NTRK3: variants seen among roughly 807,000 people sequenced by gnomAD.
The protein encoded by NTRK3 is NT-3 growth factor receptor.
Under a neutral mutation model 91.7 loss-of-function variants are expected in NTRK3, and 24 were observed. That is an observed-to-expected ratio of 0.26 (90% CI 0.19 to 0.37). The LOEUF (loss-of-function observed/expected upper bound fraction) is 0.37. NTRK3 is among the 10% of genes least tolerant of loss of function. The pLI is 1.00. For missense variants in NTRK3, 880 were observed against 1,068.9 expected (o/e 0.82, Z 2.46); for synonymous variants, 483 against 404.0 (o/e 1.20, Z -2.34).
intron 14 of NTRK3, among the ~76,000 whole-genome samples, chr15:88,028,561 G>C (rs985805744): frequency 4.9e-4 from 75 of 152,234 alleles, no homozygotes; most frequent in Non-Finnish European, 8.2e-4. Context: ...TACCTCAAGG[G>C]GGAGAAGAGA....
intron 13 of NTRK3, among the ~76,000 whole-genome samples, chr15:88,082,341 G>T (rs73447342): frequency 6.6e-6 from 1 of 151,538 alleles, no homozygotes; most frequent in East Asian, 1.9e-4. Flanking sequence ...CAGCGGGGAA[G>T]AAGAGAGAAT....
chr15:87,932,198 C>G (rs781063664), intron 16 of NTRK3, among the ~76,000 whole-genome samples: 19 of 152,344 alleles, frequency 1.2e-4, no homozygotes, highest in Non-Finnish European at 2.5e-4. Flanking sequence ...TAAGAGCCCT[C>G]GAAGTCCAGA....
At chr15:88,211,054 C>T (rs923447456) in intron 3 of NTRK3, among the ~76,000 whole-genome samples, 2 of 152,194 alleles carry the variant, frequency 1.3e-5, no homozygotes, top group African/African-American at 4.8e-5. Context: ...AATTAGCCAT[C>T]TTAACATGTA....
intron 13 of NTRK3, among the ~76,000 whole-genome samples, chr15:88,107,686 C>T (rs148957696): frequency 6.2e-4 from 94 of 152,238 alleles, no homozygotes; most frequent in African/African-American, 2.1e-3. Flanking sequence ...TATCCATTTG[C>T]ACACAGATGT....
At chr15:87,880,324 G>C (rs569794715) in exon 18 of NTRK3, 1 of 1,614,038 alleles carries the variant, frequency 6.2e-7, no homozygotes, top group Non-Finnish European at 8.5e-7. Flanking sequence ...AGATCTCCCA[G>C]AGGATCACCC....
intron 5 of NTRK3, among the ~76,000 whole-genome samples, chr15:88,181,531 C>A (rs2046457523): frequency 6.6e-6 from 1 of 152,182 alleles, no homozygotes; most frequent in African/African-American, 2.4e-5. Context: ...CTAGAAGGTT[C>A]TGAGGCCTGA....
intron 3 of NTRK3, among the ~76,000 whole-genome samples, chr15:88,230,838 CTT>C (rs2141720474): frequency 6.6e-6 from 1 of 152,226 alleles, no homozygotes; most frequent in East Asian, 1.9e-4. Flanking sequence ...GGTAAAATGT[CTT>C]TTAAGCCAAT....
rs528667280 is a variant in NTRK3, at chr15:87,937,256, T to A, written c.1716+3367A>T. ...TGTTCCCAAACTCATTCATGACAAC[T>A]AAACCTGCTAATGTAATTACTTAAT... On this transcript the variant is annotated intron_variant, in intron 15 of 18. Coordinates refer to ENST00000394480, the Ensembl canonical transcript of NTRK3. 7.9e-5 allele frequency among the ~76,000 whole-genome samples: 12 copies of A among 152,344 alleles called. No individual in the cohort carries two copies. The South Asian group carries it at 1.7e-3, about 21-fold the overall frequency.
At chr15:88,169,019 G>A (rs774519889) in intron 5 of NTRK3, among the ~76,000 whole-genome samples, 11 of 152,214 alleles carry the variant, frequency 7.2e-5, no homozygotes, top group Admixed American at 1.3e-4. Flanking sequence ...TCGAGGGAAC[G>A]GCACAGGCAA....
exon 19 of NTRK3, chr15:87,861,334 G>A (rs2064518008): frequency 4.6e-6 from 1 of 215,542 alleles, no homozygotes; most frequent in Admixed American, 5.8e-5. Flanking sequence ...GGTACCAGCT[G>A]ATTTTCCAGA....
intron 14 of NTRK3, among the ~76,000 whole-genome samples, chr15:88,006,804 C>A (rs2076524937): frequency 1.3e-5 from 2 of 152,240 alleles, no homozygotes; most frequent in African/African-American, 4.8e-5. Context: ...ACATGACATA[C>A]AGACTCACAC....
intron 17 of NTRK3, chr15:87,926,597 G>C (rs1458294027): frequency 6.6e-6 from 1 of 152,168 alleles, no homozygotes; most frequent in Non-Finnish European, 1.5e-5. Flanking sequence ...ATTCCTTGTA[G>C]CCCTTTTAGG....
chr15:87,859,951 TAC>T (rs1567041256), exon 19 of NTRK3: 1 of 189,018 alleles, frequency 5.3e-6, no homozygotes, highest in East Asian at 8.4e-5. Context: ...GATGGATATA[TAC>T]ATATATACAT....
At chr15:87,889,570 C>T (rs1262535800) in intron 17 of NTRK3, among the ~76,000 whole-genome samples, 1 of 151,686 alleles carries the variant, frequency 6.6e-6, no homozygotes, top group Non-Finnish European at 1.5e-5. Flanking sequence ...ATGACTGGCT[C>T]ATTAGTTTCC....
chr15:88,096,689 T>C (rs750515786), intron 13 of NTRK3, among the ~76,000 whole-genome samples: 10 of 152,188 alleles, frequency 6.6e-5, no homozygotes, highest in Non-Finnish European at 1.5e-4. Context: ...CAGGAGTCAC[T>C]AAATACATGT....
intron 17 of NTRK3, among the ~76,000 whole-genome samples, chr15:87,890,401 C>A (rs932092881): frequency 6.6e-6 from 1 of 152,154 alleles, no homozygotes; most frequent in Non-Finnish European, 1.5e-5. Flanking sequence ...AAGTTCCTTT[C>A]ATCAGCTATT....
At chr15:88,004,509 T>G (rs990026517) in intron 14 of NTRK3, among the ~76,000 whole-genome samples, 27 of 152,170 alleles carry the variant, frequency 1.8e-4, no homozygotes, top group African/African-American at 2.4e-5. Context: ...GTGGTCTCAA[T>G]ATGTGCTACT....
At chr15:88,162,586 C>T (rs1247892718) in intron 5 of NTRK3, among the ~76,000 whole-genome samples, 1 of 152,184 alleles carries the variant, frequency 6.6e-6, no homozygotes, top group East Asian at 1.9e-4. Context: ...AGACAACGCA[C>T]TCAGCATACG....
chr15:87,863,042 T>C (rs1002714406), exon 19 of NTRK3: 3 of 230,864 alleles, frequency 1.3e-5, no homozygotes, highest in Non-Finnish European at 2.6e-5. Flanking sequence ...CATTTAGGGG[T>C]TTACAAGTCA....
Sources: allele counts gnomAD v4.1 joint callset (sites outside exome capture counted in the v4.1 genomes callset), GRCh38; gene constraint gnomAD v4.1.1; transcripts MANE v1.5; gene names NCBI Gene and HGNC (gene_info 2026-07-23, HGNC 2026-07-21).